Variants in LRTM1 observed in about 807,000 individuals in gnomAD.
LRTM1 encodes the protein leucine rich repeat transmembrane protein 1.
In LRTM1, 38 loss-of-function variants were observed where a neutral mutation model predicts 32.4. The observed-to-expected ratio is 1.17, with a 90% CI of 0.91 to 1.54. The LOEUF (loss-of-function observed/expected upper bound fraction) is 1.54, where lower values mean the gene tolerates loss of function less well. Among genes scored for constraint, LRTM1 ranks in the 40% most tolerant of loss-of-function variants. The pLI, the probability that LRTM1 is intolerant of heterozygous loss-of-function variation, is 0.00. For missense variants in LRTM1, 466 were observed against 415.4 expected (o/e 1.12, Z -1.06); for synonymous variants, 186 against 169.9 (o/e 1.09, Z -0.74).
rs11541701 is a variant in LRTM1, at chr3:54,918,700, C to A, written c.797G>T (p.Arg266Leu). Reference protein sequence around the residue: ...RPPENHNAGERELLECELKPK... With the variant: ...RPPENHNAGELELLECELKPK... The stretch of plus-strand genomic sequence containing the variant: ...TTTGAGCTCGCACTCCAAGAGTTCT[C>A]GCTCCCCCGCGTTGTGGTTCTCAGG... Residue 266 changes from arginine to leucine, a missense_variant, in exon 3 of 3, where the codon CGA becomes CTA. Transcript: ENST00000273286. The A allele has an allele frequency of 8.8e-4, 1,426 of 1,614,150 alleles. 9 individuals carry two copies. The African/African-American group carries it at 0.017, about 19-fold the overall frequency.
In LRTM1 at chr3:54,918,912, A is replaced by ATCCCAGCACTTTGGGAG. The variant is rs766929211; in HGVS notation, c.605-21_605-20insCTCCCAAAGTGCTGGGA. 6.6e-7 allele frequency: 1 copy of ATCCCAGCACTTTGGGAG among 1,512,958 alleles called. No individual in the cohort carries two copies. Among genetic ancestry groups the ATCCCAGCACTTTGGGAG allele is most frequent in the African/African-American group, 1.4e-5 (1 of 71,766 alleles). 93.7% of individuals were successfully genotyped at this position (1,512,958 alleles called of 1,614,324 possible). On this transcript the variant is annotated intron_variant, in intron 2 of 2. Transcript: ENST00000273286. ...GTCCCCCTTTAAAAAACAAAAGCAA[A>ATCCCAGCACTTTGGGAG]GAACAATAACAAAGCCTTGATACAA...
intron 1 of LRTM1, among the ~76,000 whole-genome samples, chr3:54,952,665 G>T (rs1242122436): frequency 6.6e-6 from 1 of 152,160 alleles, no homozygotes; most frequent in Non-Finnish European, 1.5e-5. Context: ...AAGTCAGAAA[G>T]ATCTGGTGTT....
At chr3:54,929,256 A>G (rs1405952499), upstream of LRTM1, among the ~76,000 whole-genome samples, 1 of 152,160 alleles carries the variant, frequency 6.6e-6, no homozygotes, top group Non-Finnish European at 1.5e-5. Context: ...AGGATTAAAT[A>G]TGGCAGTACA....
intron 1 of LRTM1, among the ~76,000 whole-genome samples, chr3:54,955,218 T>C (rs922465661): frequency 2.6e-5 from 4 of 152,138 alleles, no homozygotes; most frequent in Non-Finnish European, 4.4e-5. Flanking sequence ...GGACCCACCC[T>C]GGAGGAGACG....
intron 1 of LRTM1, among the ~76,000 whole-genome samples, chr3:54,960,772 G>T (rs1479435765): frequency 6.6e-6 from 1 of 152,030 alleles, no homozygotes; most frequent in Non-Finnish European, 1.5e-5. Flanking sequence ...TGTCTTTTTT[G>T]TCCAACATTC....
In LRTM1 at chr3:54,919,111, G is replaced by T. The variant is rs533255467; in HGVS notation, c.605-219C>A. Reference sequence around the variant, plus strand: ...ACACACTAAATTGGCAATTACTTATGACCAAGAATTCATTAGAAGCCCAGT... The same window carrying T: ...ACACACTAAATTGGCAATTACTTATTACCAAGAATTCATTAGAAGCCCAGT... On this transcript the variant is annotated intron_variant, in intron 2 of 2. Coordinates refer to ENST00000273286, the MANE Select transcript of LRTM1 (RefSeq NM_020678.4). 9.9e-5 allele frequency among the ~76,000 whole-genome samples: 15 copies of T among 152,028 alleles called. No homozygotes were observed. The South Asian group carries it at 3.1e-3, about 32-fold the overall frequency.
chr3:54,921,685 C>T (rs1700855373), intron 2 of LRTM1, among the ~76,000 whole-genome samples: 1 of 152,126 alleles, frequency 6.6e-6, no homozygotes, highest in Non-Finnish European at 1.5e-5. Context: ...TTTGTTCCCA[C>T]TTGGGGATGA....
intron 1 of LRTM1, among the ~76,000 whole-genome samples, chr3:54,944,351 A>G (rs1243973223): frequency 2.0e-5 from 3 of 151,964 alleles, no homozygotes; most frequent in Admixed American, 2.0e-4. Context: ...TTCTACTTTT[A>G]AATTCATTTG....
At chr3:54,950,796 G>C (rs1168196107) in intron 1 of LRTM1, among the ~76,000 whole-genome samples, 2 of 152,154 alleles carry the variant, frequency 1.3e-5, no homozygotes, top group Non-Finnish European at 2.9e-5. Flanking sequence ...AAAATAAACG[G>C]GAAGGGACGC....
chr3:54,918,439 C>T lies in LRTM1; in HGVS notation c.*20G>A, dbSNP rs190791581. The T allele has an allele frequency of 6.4e-7, 1 of 1,567,264 alleles. No individual in the cohort carries two copies. The highest frequency in any genetic ancestry group is 8.7e-7 in the Non-Finnish European group (1 of 1,150,780). ...TATCTTCTGGCCTGCAATGACCAAT[C>T]CTATTTGAGACAAAAGCTCTCAGGC... On this transcript the variant is annotated 3_prime_UTR_variant, in exon 3 of 3. Coordinates refer to ENST00000273286, the MANE Select transcript of LRTM1 (RefSeq NM_020678.4).
At chr3:54,956,694 G>A (rs1450692537) in intron 1 of LRTM1, among the ~76,000 whole-genome samples, 5 of 152,034 alleles carry the variant, frequency 3.3e-5, no homozygotes, top group African/African-American at 7.2e-5. Flanking sequence ...GTAATCTTAA[G>A]GTAATGGCCT....
At chr3:54,959,696 G>T (rs892488440) in intron 1 of LRTM1, among the ~76,000 whole-genome samples, 2 of 152,152 alleles carry the variant, frequency 1.3e-5, no homozygotes, top group Non-Finnish European at 2.9e-5. Context: ...ATACAATGAA[G>T]CCCGAGGCTT....
At chr3:54,953,288 A>G (rs766783098) in intron 1 of LRTM1, among the ~76,000 whole-genome samples, 40 of 152,216 alleles carry the variant, frequency 2.6e-4, no homozygotes, top group Non-Finnish European at 5.4e-4. Context: ...TACATGAAAC[A>G]GGCAGGACTC....
intron 1 of LRTM1, among the ~76,000 whole-genome samples, chr3:54,966,495 G>A (rs936678463): frequency 2.0e-5 from 3 of 152,120 alleles, no homozygotes; most frequent in African/African-American, 7.2e-5. Context: ...CCCCACCTTG[G>A]CTGTGCGTGA....
intron 1 of LRTM1, among the ~76,000 whole-genome samples, chr3:54,934,413 T>G (rs1334006598): frequency 6.7e-6 from 1 of 149,994 alleles, no homozygotes; most frequent in Non-Finnish European, 1.5e-5. Flanking sequence ...CTTGTTTTTT[T>G]CTTGCCCTTT....
chr3:54,941,483 C>T (rs17054584), intron 1 of LRTM1, among the ~76,000 whole-genome samples: 18,834 of 152,106 alleles, frequency 0.12, 1,211 homozygotes, highest in African/African-American at 0.16. Flanking sequence ...CTGTCGTTTT[C>T]CCCCTCCATT....
rs533596688 is a variant in LRTM1, at chr3:54,918,332, CTTTTTT to C, written c.*121_*126del. On this transcript the variant is annotated 3_prime_UTR_variant, in exon 3 of 3. Coordinates refer to ENST00000273286, the MANE Select transcript of LRTM1 (RefSeq NM_020678.4). ...TTTTACAGACACATCTTTTTTTTTTCTTTTTTTTTTTTTTTTTTTTTTTGTCTTTTG... is the reference window on the plus strand; with the variant it reads ...TTTTACAGACACATCTTTTTTTTTTCTTTTTTTTTTTTTTTTTGTCTTTTG... The C allele has an allele frequency of 0.016, 3,523 of 227,074 alleles. 2 individuals carry two copies. Among genetic ancestry groups the C allele is most frequent in the Middle Eastern group, 0.053 (26 of 492 alleles). 14.1% of individuals were successfully genotyped at this position (227,074 alleles called of 1,614,324 possible).
chr3:54,963,210 C>G (rs1702071449), intron 1 of LRTM1, among the ~76,000 whole-genome samples: 1 of 152,300 alleles, frequency 6.6e-6, no homozygotes, highest in Admixed American at 6.5e-5. Flanking sequence ...TTGTCTCACG[C>G]TGGCAGTCCT....
intron 1 of LRTM1, among the ~76,000 whole-genome samples, chr3:54,944,974 G>A (rs1394121057): frequency 1.3e-5 from 2 of 152,126 alleles, no homozygotes; most frequent in African/African-American, 4.8e-5. Context: ...CAGATTGAAA[G>A]TTTCTCCACA....
Sources: gnomAD v4.1 joint callset for allele counts (sites outside exome capture counted in the v4.1 genomes callset) on GRCh38, gnomAD v4.1.1 for gene constraint, MANE v1.5 for transcripts, NCBI Gene and HGNC (gene_info 2026-07-23, HGNC 2026-07-21) for gene names.